SAMD4A: variants seen among roughly 807,000 people sequenced by gnomAD.
SAMD4A encodes the protein protein Smaug homolog 1.
A neutral mutation model predicts 81.3 loss-of-function variants in SAMD4A; 33 were observed. The ratio of observed to expected loss-of-function variants is 0.41; its 90% confidence interval spans 0.31 to 0.54. The LOEUF (loss-of-function observed/expected upper bound fraction) is 0.54. Among genes scored for constraint, SAMD4A ranks in the 20% least tolerant of loss-of-function variants. The probability of loss-of-function intolerance (pLI) is 0.37; values close to 1 mark genes in which losing one functional copy is unlikely to be tolerated. For missense variants in SAMD4A, 854 were observed against 951.1 expected (o/e 0.90, Z 1.34); for synonymous variants, 389 against 382.1 (o/e 1.02, Z -0.21).
At chr14:54,692,331 A>G (rs1184585916) in intron 2 of SAMD4A, among the ~76,000 whole-genome samples, 1 of 152,212 alleles carries the variant, frequency 6.6e-6, no homozygotes, top group East Asian at 1.9e-4. Flanking sequence ...TGAATTAAGC[A>G]TGAACTATTC....
intron 2 of SAMD4A, among the ~76,000 whole-genome samples, chr14:54,618,713 T>C (rs2034547618): frequency 6.6e-6 from 1 of 152,238 alleles, no homozygotes; most frequent in Admixed American, 6.5e-5. Context: ...GGGCTGCTTC[T>C]TGCTTGTTCT....
chr14:54,640,412 G>A (rs1463197335), intron 2 of SAMD4A, among the ~76,000 whole-genome samples: 1 of 152,196 alleles, frequency 6.6e-6, no homozygotes, highest in African/African-American at 2.4e-5. Context: ...GAAGAAAAAT[G>A]CAGAGTCGCA....
rs1165258534 is a variant in SAMD4A at position 54,580,446 on chromosome 14, T to A, written c.196+12334T>A. ...AGAGTGTTATAGTGTAGGAAGCATG[T>A]TATAATCACTGTTCCAGCAATGTCT... On this transcript the variant is annotated intron_variant, in intron 2 of 12. Transcript: ENST00000554335. Among the ~76,000 whole-genome samples, 9 of 152,334 alleles carry A rather than the reference T, an allele frequency of 5.9e-5. No homozygotes were observed. The East Asian group carries it at 1.7e-3, about 29-fold the overall frequency.
At chr14:54,774,652 C>CAA (rs1286823182) in intron 9 of SAMD4A, among the ~76,000 whole-genome samples, 9 of 134,036 alleles carry the variant, frequency 6.7e-5, no homozygotes, top group African/African-American at 1.4e-4. Context: ...CCATCTCTAC[C>CAA]AAAAAAAAAA....
At chr14:54,638,808 T>C (rs1343215351) in intron 2 of SAMD4A, among the ~76,000 whole-genome samples, 5 of 152,162 alleles carry the variant, frequency 3.3e-5, no homozygotes, top group Non-Finnish European at 7.3e-5. Context: ...TAGCTAGAAA[T>C]TGAAAAGTTC....
At chr14:54,705,095 C>T (rs2036819764) in intron 3 of SAMD4A, among the ~76,000 whole-genome samples, 1 of 152,180 alleles carries the variant, frequency 6.6e-6, no homozygotes, top group Non-Finnish European at 1.5e-5. Flanking sequence ...ACAATATCTA[C>T]CTTTGAGGGC....
chr14:54,782,581 G>A (rs1033614390), intron 11 of SAMD4A, among the ~76,000 whole-genome samples: 9 of 152,106 alleles, frequency 5.9e-5, no homozygotes, highest in Non-Finnish European at 8.8e-5. Context: ...AAGCTCAGTC[G>A]GCCTCCGTCT....
chr14:54,741,468 G>C (rs1317929393), intron 4 of SAMD4A, among the ~76,000 whole-genome samples: 2 of 152,208 alleles, frequency 1.3e-5, no homozygotes, highest in Non-Finnish European at 2.9e-5. Flanking sequence ...CTCATTCACA[G>C]GTTACTTTTG....
rs543148057 is a variant in SAMD4A at position 54,691,681 on chromosome 14, G to A, written c.197-10381G>A. 2.0e-5 allele frequency among the ~76,000 whole-genome samples: 3 copies of A among 152,188 alleles called. No homozygotes were observed. The South Asian group carries it at 6.2e-4, about 32-fold the overall frequency. ...CAGCAGCCTTTTACTGCTTACTGTT[G>A]CAGAAATTCCCAGCATTGGCTGGCG... On this transcript the variant is annotated intron_variant, in intron 2 of 12. Transcript: ENST00000554335.
At chr14:54,632,706 G>A (rs1490106944) in intron 2 of SAMD4A, among the ~76,000 whole-genome samples, 1 of 152,144 alleles carries the variant, frequency 6.6e-6, no homozygotes, top group East Asian at 1.9e-4. Context: ...GTATTGCATA[G>A]AGACCAAGAA....
At chr14:54,579,094 A>G (rs1356147090) in intron 2 of SAMD4A, among the ~76,000 whole-genome samples, 2 of 152,218 alleles carry the variant, frequency 1.3e-5, no homozygotes, top group Admixed American at 6.5e-5. Context: ...AAGAGCGTCT[A>G]TTCTTCTTAG....
At chr14:54,618,760 T>C (rs981483412) in intron 2 of SAMD4A, among the ~76,000 whole-genome samples, 3 of 152,206 alleles carry the variant, frequency 2.0e-5, no homozygotes, top group African/African-American at 7.2e-5. Flanking sequence ...AATGCATTTC[T>C]TTTCCCCCTT....
At chr14:54,576,005 T>C (rs201837777) in intron 2 of SAMD4A, among the ~76,000 whole-genome samples, 3 of 5,766 alleles carry the variant, frequency 5.2e-4, no homozygotes, top group East Asian at 1.0e-3. Context: ...TTCTTTCTTT[T>C]TTTTTTTTTT....
rs113509799 is a variant in SAMD4A, at chr14:54,624,376, G to A, written c.196+56264G>A. 1.1e-3 allele frequency among the ~76,000 whole-genome samples: 161 copies of A among 152,326 alleles called. 1 individual carries two copies. Among genetic ancestry groups the A allele is most frequent in the African/African-American group, 3.6e-3 (151 of 41,576 alleles). ...AGAAGGCATCAGACATCACGGAAGG[G>A]CTCTGTATATTTCTCTTTCGGAACC... On this transcript the variant is annotated intron_variant, in intron 2 of 12. Transcript: ENST00000554335.
intron 12 of SAMD4A, 47 bp downstream of exon 12, chr14:54,784,667 C>A: frequency 6.5e-7 from 1 of 1,526,770 alleles, no homozygotes; most frequent in Non-Finnish European, 9.1e-7. Flanking sequence ...TTACCGTGTG[C>A]CTGGGAGAAC....
At position 54,575,235 on chromosome 14, in the gene SAMD4A, T is replaced by A. The variant is rs138313225; in HGVS notation, c.196+7123T>A. ...GAGAAAAGACATTGGTCGACAAAGC[T>A]ATGGCCAGCAGATCTGGGATCAGAA... On this transcript the variant is annotated intron_variant, in intron 2 of 12. Transcript: ENST00000554335. Among the ~76,000 whole-genome samples, 550 of 152,256 alleles carry A rather than the reference T, an allele frequency of 3.6e-3. 3 individuals carry two copies. Among genetic ancestry groups the A allele is most frequent in the African/African-American group, 0.013 (529 of 41,550 alleles).
intron 4 of SAMD4A, among the ~76,000 whole-genome samples, chr14:54,745,264 C>T (rs2037939244): frequency 6.6e-6 from 1 of 152,216 alleles, no homozygotes; most frequent in Non-Finnish European, 1.5e-5. Context: ...CTTTGTTCAG[C>T]ATTGCATATC....
In SAMD4A at chr14:54,644,969, C is replaced by G. The variant is rs181882300; in HGVS notation, c.197-57093C>G. Among the ~76,000 whole-genome samples the G allele has an allele frequency of 6.6e-5, 10 of 152,178 alleles. 1 individual carries two copies. The East Asian group carries it at 1.9e-3, about 29-fold the overall frequency. ...TACTGGTATCTGGTGATAGTGTACT[C>G]AAACTGTTAAAAAAATAGTTATCTG... On this transcript the variant is annotated intron_variant, in intron 2 of 12. Coordinates refer to ENST00000554335, the MANE Select transcript of SAMD4A (RefSeq NM_015589.6).
At chr14:54,585,608 C>T (rs372083703) in intron 2 of SAMD4A, among the ~76,000 whole-genome samples, 3 of 152,072 alleles carry the variant, frequency 2.0e-5, no homozygotes, top group South Asian at 2.1e-4. Flanking sequence ...CTCCTTCCCC[C>T]GAGTCCCCAA....
Sources: gnomAD v4.1 joint callset for allele counts (sites outside exome capture counted in the v4.1 genomes callset) on GRCh38, gnomAD v4.1.1 for gene constraint, MANE v1.5 for transcripts, NCBI Gene and HGNC (gene_info 2026-07-23, HGNC 2026-07-21) for gene names.